Variants in ZNF462 observed in about 807,000 individuals in gnomAD.
ZNF462 encodes zinc finger protein 462.
ZNF462 carries 10 observed loss-of-function variants against 201.9 expected under a neutral mutation model. The observed-to-expected ratio is 0.05, with a 90% CI of 0.03 to 0.08. ZNF462 has a LOEUF of 0.08. ZNF462 is among the 10% of genes least tolerant of loss of function. The pLI is 1.00. For synonymous variants in ZNF462, 1,227 were observed against 1,193.3 expected (o/e 1.03, Z -0.58); for missense variants, 2,523 against 3,168.3 (o/e 0.80, Z 4.89).
chr9:106,906,399 C>T (rs1829276682), intron 1 of ZNF462, among the ~76,000 whole-genome samples: 1 of 152,198 alleles, frequency 6.6e-6, no homozygotes, highest in East Asian at 1.9e-4. Flanking sequence ...CTATTCCTGC[C>T]TCCCTTCTGC....
In ZNF462 at chr9:106,924,312, C is replaced by G. The variant is rs2131441056; in HGVS notation, c.400C>G (p.Gln134Glu). ...ACACACTAGAAAGGTCCATGGAGCT[C>G]AAGCTGAAGGGAGTTCATCAGGACC... ...IEHTRKVHGA[Q>E]AEGSSSGPPV... Residue 134 changes from glutamine to glutamate, a missense_variant, in exon 3 of 13, where the codon CAA becomes GAA. Gln to Glu is a conservative substitution (Grantham distance 29). Coordinates refer to ENST00000277225, the MANE Select transcript of ZNF462 (RefSeq NM_021224.6). The surrounding 1 kb of genome is among the most constrained non-coding windows in gnomAD (Gnocchi z 6.2). The G allele has an allele frequency of 6.2e-7, 1 of 1,614,130 alleles. No homozygotes were observed. Among genetic ancestry groups the G allele is most frequent in the Non-Finnish European group, 8.5e-7 (1 of 1,180,038 alleles).
upstream of ZNF462, among the ~76,000 whole-genome samples, chr9:106,862,216 A>T (rs1827087807): frequency 6.6e-6 from 1 of 152,204 alleles, no homozygotes; most frequent in African/African-American, 2.4e-5. The surrounding 1 kb of genome is among the most constrained non-coding windows in gnomAD (Gnocchi z 4.2). Flanking sequence ...GAAAGGGATT[A>T]AAAAGCCCCA....
chr9:106,956,635 G>A (rs1435826784), intron 7 of ZNF462, among the ~76,000 whole-genome samples: 1 of 152,112 alleles, frequency 6.6e-6, no homozygotes, highest in African/African-American at 2.4e-5. Context: ...ATAAAAGTCT[G>A]TGGGGCCTAC....
rs1304006127 is a variant in ZNF462, at chr9:106,977,605, G to A, written c.6832+3332G>A. Among the ~76,000 whole-genome samples, 1 of 151,480 alleles carries A rather than the reference G, an allele frequency of 6.6e-6. No homozygotes were observed. The highest frequency in any genetic ancestry group is 2.5e-5 in the African/African-American group (1 of 40,808). On this transcript the variant is annotated intron_variant, in intron 9 of 12. Transcript: ENST00000277225. This position sits in a 1 kb window ranked among gnomAD's most constrained non-coding sequence, Gnocchi z 4.6. The stretch of plus-strand genomic sequence containing the variant: ...TCATTATTTGCTTGTTACGTGCCAC[G>A]CTATGCTTGGTTCTTTGGGCAAAAT...
chr9:106,988,694 TG>T (rs1828034494), intron 10 of ZNF462, among the ~76,000 whole-genome samples: 1 of 152,208 alleles, frequency 6.6e-6, no homozygotes, highest in Non-Finnish European at 1.5e-5. Flanking sequence ...TCCATTTGTT[TG>T]TGTCGTCTAC....
chr9:106,873,628 C>T (rs1827696587), intron 1 of ZNF462, among the ~76,000 whole-genome samples: 1 of 152,152 alleles, frequency 6.6e-6, no homozygotes, highest in South Asian at 2.1e-4. Flanking sequence ...ACCCCCTCCA[C>T]CCCTTTTTGT....
chr9:106,872,880 A>G lies in ZNF462; in HGVS notation c.-31+9525A>G, dbSNP rs1204824474. On this transcript the variant is annotated intron_variant, in intron 1 of 12. Transcript: ENST00000277225. The surrounding 1 kb of genome is among the most constrained non-coding windows in gnomAD (Gnocchi z 4.5). The stretch of plus-strand genomic sequence containing the variant: ...TCCCTCGTGGACTGACTCATAGTTA[A>G]TACTGGACAACGGTTTTTATTTTTT... 6.6e-6 allele frequency among the ~76,000 whole-genome samples: 1 copy of G among 152,222 alleles called. No homozygotes were observed. Among genetic ancestry groups the G allele is most frequent in the Non-Finnish European group, 1.5e-5 (1 of 68,038 alleles).
rs561262197 is a variant in ZNF462 at position 106,902,896 on chromosome 9, G to T, written c.-30-20458G>T. Among the ~76,000 whole-genome samples the T allele has an allele frequency of 5.3e-5, 8 of 151,952 alleles. No individual in the cohort carries two copies. In the South Asian group the frequency reaches 1.2e-3, roughly 24 times the overall value. On this transcript the variant is annotated intron_variant, in intron 1 of 12. Transcript: ENST00000277225. The surrounding 1 kb of genome is among the most constrained non-coding windows in gnomAD (Gnocchi z 4.2). ...CCAGCTTTTGTTTCATTTATCTTTT[G>T]TGTTTTTTTTGTTTGTTTGTTTGAA...
intron 8 of ZNF462, among the ~76,000 whole-genome samples, chr9:106,973,613 TGGAG>T (rs1254485169): frequency 5.9e-5 from 9 of 152,162 alleles, no homozygotes; most frequent in Admixed American, 5.9e-4. Context: ...TTGAAAAGGA[TGGAG>T]GAAGAGGCAG....
rs564263985 is a variant in ZNF462 at position 106,904,825 on chromosome 9, A to T, written c.-30-18529A>T. Among the ~76,000 whole-genome samples the T allele has an allele frequency of 1.4e-4, 21 of 151,968 alleles. No individual in the cohort carries two copies. The South Asian group carries it at 4.4e-3, about 32-fold the overall frequency. ...GAATATCTCTCCCTTCTCTTCTTGT[A>T]TCATTTTTTGGACTTCCTTGCATTG... On this transcript the variant is annotated intron_variant, in intron 1 of 12. Coordinates refer to ENST00000277225, the MANE Select transcript of ZNF462 (RefSeq NM_021224.6).
chr9:106,903,817 G>A (rs569371312), intron 1 of ZNF462, among the ~76,000 whole-genome samples: 1 of 152,220 alleles, frequency 6.6e-6, no homozygotes, highest in African/African-American at 2.4e-5. Flanking sequence ...GTCCTTATGT[G>A]TTAGTTGAGT....
In ZNF462 at chr9:106,951,808, A is replaced by G. The variant is rs1381567369; in HGVS notation, c.6427+12701A>G. Among the ~76,000 whole-genome samples, 3 of 150,928 alleles carry G rather than the reference A, an allele frequency of 2.0e-5. No individual in the cohort carries two copies. In the East Asian group the frequency reaches 5.8e-4, roughly 29 times the overall value. On this transcript the variant is annotated intron_variant, in intron 7 of 12. Coordinates refer to ENST00000277225, the MANE Select transcript of ZNF462 (RefSeq NM_021224.6). ...GCACTCTCACCCTGGGGAAGCATCC[A>G]GATGTTCCATGGAACCTCTTCTCCA...
In ZNF462 at chr9:106,913,939, C is replaced by T. The variant is rs1829658750; in HGVS notation, c.-30-9415C>T. On this transcript the variant is annotated intron_variant, in intron 1 of 12. Coordinates refer to ENST00000277225, the MANE Select transcript of ZNF462 (RefSeq NM_021224.6). This position sits in a 1 kb window ranked among gnomAD's most constrained non-coding sequence, Gnocchi z 4.1. ...TTTAATGACATTTGCCCCTTACTCA[C>T]AAAACTCACAGGATTATCAACTGTG... 6.7e-6 allele frequency among the ~76,000 whole-genome samples: 1 copy of T among 150,062 alleles called. No homozygotes were observed.
intron 7 of ZNF462, among the ~76,000 whole-genome samples, chr9:106,969,465 A>G (rs1320830632): frequency 2.0e-5 from 3 of 152,188 alleles, no homozygotes; most frequent in African/African-American, 4.8e-5. Flanking sequence ...TGTTAACTAA[A>G]AGAGATTGGG....
At chr9:106,863,655 G>A (rs1359213390) in intron 1 of ZNF462, among the ~76,000 whole-genome samples, 1 of 152,052 alleles carries the variant, frequency 6.6e-6, no homozygotes, top group Admixed American at 6.5e-5. Context: ...AGTGGAGGTG[G>A]CTGTGCTTTT....
chr9:107,010,780 T>A lies in ZNF462; in HGVS notation c.7314-43T>A, dbSNP rs750337299. On this transcript the variant is annotated intron_variant, in intron 12 of 12. Coordinates refer to ENST00000277225, the MANE Select transcript of ZNF462 (RefSeq NM_021224.6). This position sits in a 1 kb window ranked among gnomAD's most constrained non-coding sequence, Gnocchi z 4.6. ...ATTTTTTTGTTTAAAAAGAGAAATA[T>A]ATATACTATACTCATCTGTCTCTTC... 8 of 1,509,816 alleles carry A rather than the reference T, an allele frequency of 5.3e-6. No individual in the cohort carries two copies. Among genetic ancestry groups the A allele is most frequent in the Admixed American group, 4.4e-5 (2 of 45,222 alleles). The allele number at this position is 1,509,816 out of a possible 1,614,324, so 93.5% of individuals were successfully genotyped here. A position where few individuals can be genotyped will look rare whatever the true frequency, so the allele number is the denominator to read the frequency against.
intron 7 of ZNF462, among the ~76,000 whole-genome samples, chr9:106,956,525 C>G (rs931409809): frequency 1.1e-4 from 17 of 152,138 alleles, no homozygotes; most frequent in Non-Finnish European, 7.4e-5. Context: ...TCACCAGCTG[C>G]ATTAGTCTGT....
rs556695164 is a variant in ZNF462 at position 107,006,610 on chromosome 9, A to G, written c.7190-2935A>G. Among the ~76,000 whole-genome samples the G allele has an allele frequency of 4.6e-5, 7 of 152,094 alleles. No individual in the cohort carries two copies. In the East Asian group the frequency reaches 1.4e-3, roughly 30 times the overall value. On this transcript the variant is annotated intron_variant, in intron 11 of 12. Coordinates refer to ENST00000277225, the MANE Select transcript of ZNF462 (RefSeq NM_021224.6). This position sits in a 1 kb window ranked among gnomAD's most constrained non-coding sequence, Gnocchi z 4.3. ...CTTGTTCTGTCTGCAAACATTAAGGAAGCCTATTGGTGGGCTACTTCCCTC... is the reference window on the plus strand; with the variant it reads ...CTTGTTCTGTCTGCAAACATTAAGGGAGCCTATTGGTGGGCTACTTCCCTC...
In ZNF462 at chr9:106,932,281, G is replaced by T. The variant is rs1830454835; in HGVS notation, c.6013-165G>T. 6.4e-7 allele frequency: 1 copy of T among 1,551,356 alleles called. No individual in the cohort carries two copies. The highest frequency in any genetic ancestry group is 1.4e-5 in the African/African-American group (1 of 73,188). On this transcript the variant is annotated intron_variant, in intron 4 of 12. Transcript: ENST00000277225. The surrounding 1 kb of genome is among the most constrained non-coding windows in gnomAD (Gnocchi z 6.8). ...CTCTTAGCAGGAGGCGGATGACCCT[G>T]CCCACTTGTTCCTGGATGGATTGGA...
Sources: allele counts gnomAD v4.1 joint callset (sites outside exome capture counted in the v4.1 genomes callset), GRCh38; gene constraint gnomAD v4.1.1; non-coding constraint Gnocchi (gnomAD v3.1); transcripts MANE v1.5; gene names NCBI Gene and HGNC (gene_info 2026-07-23, HGNC 2026-07-21).